The following LIPA variants were observed in gnomAD, a reference collection of about 807,000 sequenced individuals.
LIPA encodes the protein lysosomal acid lipase/cholesteryl ester hydrolase.
Under a neutral mutation model 40.6 loss-of-function variants are expected in LIPA, and 26 were observed. The observed-to-expected ratio is 0.64, with a 90% CI of 0.47 to 0.89. The LOEUF (loss-of-function observed/expected upper bound fraction) is 0.89. Among genes scored for constraint, LIPA ranks in the 40% least tolerant of loss-of-function variants. The pLI is 0.00. For missense variants in LIPA, 455 were observed against 479.6 expected (o/e 0.95, Z 0.48); for synonymous variants, 188 against 168.4 (o/e 1.12, Z -0.90).
chr10:89,335,288 C>T (rs1382756516), intron 1 of LIPA: 5 of 152,086 alleles, frequency 3.3e-5, no homozygotes, highest in Non-Finnish European at 7.4e-5. Context: ...GGCCAGCTCT[C>T]GCATTGGTAA....
At chr10:89,357,497 C>T (rs1843994880) in intron 2 of LIPA, among the ~76,000 whole-genome samples, 1 of 152,226 alleles carries the variant, frequency 6.6e-6, no homozygotes, top group Non-Finnish European at 1.5e-5. Flanking sequence ...CTTTCTAACT[C>T]TTCTATTATG....
chr10:89,248,782 A>G (rs1431603036), intron 1 of LIPA, among the ~76,000 whole-genome samples: 1 of 152,034 alleles, frequency 6.6e-6, no homozygotes, highest in Non-Finnish European at 1.5e-5. Context: ...GCCCGGCCCA[A>G]AGGAATTACT....
At chr10:89,317,763 T>A (rs1224763745) in intron 1 of LIPA, among the ~76,000 whole-genome samples, 1 of 151,976 alleles carries the variant, frequency 6.6e-6, no homozygotes, top group Non-Finnish European at 1.5e-5. Context: ...GACACATAAT[T>A]AGCAGATTCA....
intron 1 of LIPA, among the ~76,000 whole-genome samples, chr10:89,269,255 G>A (rs1218480564): frequency 1.8e-4 from 27 of 152,014 alleles, no homozygotes; most frequent in East Asian, 1.9e-4. Flanking sequence ...ACTTGAACCC[G>A]GGAGGCAGAG....
At chr10:89,411,687 C>T (rs986189880) in intron 2 of LIPA, among the ~76,000 whole-genome samples, 13 of 152,316 alleles carry the variant, frequency 8.5e-5, no homozygotes, top group South Asian at 2.1e-4. Context: ...TCTCCAAAAT[C>T]GCCAAGGCCT....
At chr10:89,215,104 G>T in intron 9 of LIPA, 43 bp from the exon 10 acceptor site, 1 of 1,426,736 alleles carries the variant, frequency 7.0e-7, no homozygotes, top group Non-Finnish European at 9.9e-7. Flanking sequence ...TGTTGTTGTT[G>T]TTTTAATTTT....
chr10:89,271,311 G>A (rs1436441167), intron 1 of LIPA, among the ~76,000 whole-genome samples: 2 of 152,190 alleles, frequency 1.3e-5, no homozygotes, highest in Non-Finnish European at 2.9e-5. Flanking sequence ...TTCCCCCAGT[G>A]GAAAGAGCTT....
At chr10:89,268,855 G>A (rs1266129163) in intron 1 of LIPA, among the ~76,000 whole-genome samples, 6 of 151,948 alleles carry the variant, frequency 3.9e-5, no homozygotes, top group Admixed American at 1.3e-4. Flanking sequence ...GCGCGGTGAC[G>A]GGCGCCTGTA....
chr10:89,333,824 T>C lies in LIPA; in HGVS notation c.-2+8787A>G, dbSNP rs530803881. ...CTGAAGCTGAGATCCCCCGGGAGGT[T>C]GTAAGAAAGGTAACATCCCAGCTTA... is the stretch of plus-strand genomic sequence containing the variant. On this transcript the variant is annotated intron_variant, in intron 1 of 5. Coordinates refer to the LIPA transcript ENST00000282673. Among the ~76,000 whole-genome samples, 88 of 152,292 alleles carry C rather than the reference T, an allele frequency of 5.8e-4. 1 individual carries two copies. The highest frequency in any genetic ancestry group is 1.1e-3 in the Non-Finnish European group (75 of 68,020).
At chr10:89,309,055 G>A (rs535406121) in intron 1 of LIPA, 1 of 152,264 alleles carries the variant, frequency 6.6e-6, no homozygotes, top group South Asian at 2.1e-4. Flanking sequence ...ATAATCACCT[G>A]AACAGAACAA....
chr10:89,348,090 A>G (rs1843934503), intron 2 of LIPA, among the ~76,000 whole-genome samples: 1 of 152,204 alleles, frequency 6.6e-6, no homozygotes, highest in Non-Finnish European at 1.5e-5. Flanking sequence ...TTCTGGATGG[A>G]AAGTTCCAGA....
At chr10:89,318,177 G>A (rs1843551214) in intron 1 of LIPA, among the ~76,000 whole-genome samples, 1 of 152,114 alleles carries the variant, frequency 6.6e-6, no homozygotes, top group Non-Finnish European at 1.5e-5. Flanking sequence ...AAAATAACCA[G>A]CTAACATGAT....
chr10:89,318,301 T>C (rs1038709186), intron 1 of LIPA, among the ~76,000 whole-genome samples: 1 of 152,164 alleles, frequency 6.6e-6, no homozygotes, highest in Non-Finnish European at 1.5e-5. Flanking sequence ...GAACCATCAG[T>C]GTGCTGTATT....
At chr10:89,313,368 TTC>T (rs1341970655) in intron 1 of LIPA, among the ~76,000 whole-genome samples, 1 of 152,238 alleles carries the variant, frequency 6.6e-6, no homozygotes, top group Non-Finnish European at 1.5e-5. Context: ...TCCTACAGCC[TTC>T]TCTCTCTTTC....
chr10:89,311,114 T>C (rs1843513023), intron 1 of LIPA, among the ~76,000 whole-genome samples: 1 of 152,248 alleles, frequency 6.6e-6, no homozygotes, highest in South Asian at 2.1e-4. Context: ...TGTTCTGCTT[T>C]TGATTCACAG....
At chr10:89,287,111 C>G (rs907619627) in intron 1 of LIPA, among the ~76,000 whole-genome samples, 2 of 152,236 alleles carry the variant, frequency 1.3e-5, no homozygotes, top group Admixed American at 6.5e-5. Context: ...CCCTGGAACT[C>G]TGGCCCAAGG....
At chr10:89,379,705 GTC>G (rs1308189034) in intron 2 of LIPA, among the ~76,000 whole-genome samples, 3 of 152,068 alleles carry the variant, frequency 2.0e-5, no homozygotes, top group Non-Finnish European at 4.4e-5. Context: ...GAGTACCCAA[GTC>G]TCTCTTTTTA....
At chr10:89,245,529 T>C (rs533885007) in intron 3 of LIPA, 147 bp downstream of exon 3, 22 of 671,328 alleles carry the variant, frequency 3.3e-5, no homozygotes, top group African/African-American at 2.5e-4. Flanking sequence ...AAGAAAATTA[T>C]TTTTCTTTGC....
chr10:89,404,210 A>G (rs1327750439), intron 2 of LIPA: 1 of 152,542 alleles, frequency 6.6e-6, no homozygotes, highest in Non-Finnish European at 1.5e-5. Flanking sequence ...GAAAACAAAG[A>G]ACAGAAGACT....
Sources: allele counts gnomAD v4.1 joint callset (sites outside exome capture counted in the v4.1 genomes callset), GRCh38; gene constraint gnomAD v4.1.1; transcripts MANE v1.5; gene names NCBI Gene and HGNC (gene_info 2026-07-23, HGNC 2026-07-21).